Variants in RAPGEF4 observed in about 807,000 individuals in gnomAD.
RAPGEF4 encodes RAP guanine-nucleotide-exchange factor (GEF) 4.
In RAPGEF4, 66 loss-of-function variants were observed where a neutral mutation model predicts 147.9. The ratio of observed to expected loss-of-function variants is 0.45; its 90% CI spans 0.37 to 0.55. RAPGEF4 has a LOEUF of 0.55. Among genes scored for constraint, RAPGEF4 ranks in the 20% least tolerant of loss-of-function variants. RAPGEF4 has a pLI of 0.00. For missense variants in RAPGEF4, 1,071 were observed against 1,257.3 expected (o/e 0.85, Z 2.24); for synonymous variants, 419 against 442.7 (o/e 0.95, Z 0.67).
intron 27 of RAPGEF4, among the ~76,000 whole-genome samples, chr2:173,035,092 T>C (rs573562950): frequency 6.6e-6 from 1 of 151,828 alleles, no homozygotes; most frequent in South Asian, 2.1e-4. Flanking sequence ...TCTCACTCTG[T>C]CACCAAGGCT....
At chr2:172,775,355 A>G (rs1684060740) in intron 1 of RAPGEF4, among the ~76,000 whole-genome samples, 1 of 152,240 alleles carries the variant, frequency 6.6e-6, no homozygotes, top group Non-Finnish European at 1.5e-5. Flanking sequence ...TTAAATCAGT[A>G]TTCTATACAC....
chr2:172,807,880 T>G (rs1687658084), intron 3 of RAPGEF4, among the ~76,000 whole-genome samples: 1 of 152,246 alleles, frequency 6.6e-6, no homozygotes, highest in Admixed American at 6.5e-5. Context: ...GACAATGAAC[T>G]CTTCTTGAGC....
intron 6 of RAPGEF4, among the ~76,000 whole-genome samples, chr2:172,955,732 C>T (rs1205274820): frequency 2.6e-5 from 4 of 152,176 alleles, no homozygotes; most frequent in African/African-American, 7.2e-5. Context: ...CAAATGCAGC[C>T]CCTACTCTGT....
chr2:172,758,950 G>A lies in RAPGEF4; in HGVS notation c.65+22902G>A, dbSNP rs562829436. Among the ~76,000 whole-genome samples, 25 of 152,288 alleles carry A rather than the reference G, an allele frequency of 1.6e-4. 1 individual carries two copies. In the South Asian group the frequency reaches 2.9e-3, roughly 18 times the overall value. Reference sequence around the variant, plus strand: ...CAAAAAAGTGAGCATTGAAAGAGAGGAGTTCAGAAGGAAAGAGAGTAACTA... The same window carrying A: ...CAAAAAAGTGAGCATTGAAAGAGAGAAGTTCAGAAGGAAAGAGAGTAACTA... On this transcript the variant is annotated intron_variant, in intron 1 of 30. Transcript: ENST00000397081.
rs1239189123 is a variant in RAPGEF4, at chr2:172,917,711, C to A, written c.445-91C>A. ...AATACAAGGCTCAGATGCTTCCTGA[C>A]ACCCAGCATTTCTGCTTTTTAACAT... On this transcript the variant is annotated intron_variant, in intron 4 of 30. Transcript: ENST00000397081. The A allele has an allele frequency of 1.0e-4, 113 of 1,107,418 alleles. 1 individual carries two copies. The South Asian group carries it at 1.4e-3, about 13-fold the overall frequency. The allele number at this position is 1,107,418 out of a possible 1,614,324, so 68.6% of individuals were successfully genotyped here.
intron 30 of RAPGEF4, 60 bp from the exon 31 acceptor site, chr2:173,051,580 G>C (rs1261528198): frequency 6.6e-7 from 1 of 1,520,412 alleles, no homozygotes; most frequent in Non-Finnish European, 9.0e-7. Flanking sequence ...GGAGAAGTAA[G>C]ATTGTATCTT....
intron 1 of RAPGEF4, among the ~76,000 whole-genome samples, chr2:172,784,091 C>T (rs914008354): frequency 6.6e-6 from 1 of 152,136 alleles, no homozygotes; most frequent in African/African-American, 2.4e-5. Flanking sequence ...CACCTTGATA[C>T]TTGCTGTAGA....
In RAPGEF4 at chr2:172,908,086, C is replaced by A. The variant is rs192729874; in HGVS notation, c.445-9716C>A. Among the ~76,000 whole-genome samples, 792 of 152,288 alleles carry A rather than the reference C, an allele frequency of 5.2e-3. 2 individuals carry two copies. The highest frequency in any genetic ancestry group is 7.9e-3 in the Non-Finnish European group (537 of 68,020). On this transcript the variant is annotated intron_variant, in intron 4 of 30. Coordinates refer to ENST00000397081, the MANE Select transcript of RAPGEF4 (RefSeq NM_007023.4). ...CATCAGAGGTTCTTGGCTTTTTCCA[C>A]TGAAGCTCCCAAATGCAGAGGAAAT...
chr2:172,852,845 C>A (rs1693011314), intron 4 of RAPGEF4, among the ~76,000 whole-genome samples: 1 of 151,898 alleles, frequency 6.6e-6, no homozygotes, highest in Non-Finnish European at 1.5e-5. Flanking sequence ...TAAATGTTGT[C>A]AAATGCTGTT....
chr2:173,023,649 AG>A (rs1000763364), intron 23 of RAPGEF4, among the ~76,000 whole-genome samples: 1 of 152,220 alleles, frequency 6.6e-6, no homozygotes, highest in African/African-American at 2.4e-5. Flanking sequence ...TACTCTCAAA[AG>A]GGTTGCAGGA....
At chr2:173,039,455 T>A in intron 29 of RAPGEF4, among the ~76,000 whole-genome samples, 1 of 149,762 alleles carries the variant, frequency 6.7e-6, no homozygotes, top group African/African-American at 2.5e-5. Context: ...ACAGCGAGAC[T>A]CTGTCTCAAA....
chr2:172,920,977 T>C (rs552126538), intron 5 of RAPGEF4, among the ~76,000 whole-genome samples: 1 of 152,252 alleles, frequency 6.6e-6, no homozygotes, highest in South Asian at 2.1e-4. Flanking sequence ...CGTTTTTATG[T>C]CTTGTGTGGT....
chr2:172,764,016 C>A (rs371686568), intron 1 of RAPGEF4, among the ~76,000 whole-genome samples: 2 of 151,750 alleles, frequency 1.3e-5, no homozygotes, highest in African/African-American at 4.8e-5. Context: ...TGTGGGAGAC[C>A]GAGATGGGAG....
At chr2:172,958,059 A>G (rs1485679806) in intron 6 of RAPGEF4, among the ~76,000 whole-genome samples, 2 of 152,248 alleles carry the variant, frequency 1.3e-5, no homozygotes, top group Non-Finnish European at 2.9e-5. Flanking sequence ...CTACCAAAGA[A>G]TAAACACTTA....
intron 29 of RAPGEF4, among the ~76,000 whole-genome samples, chr2:173,037,763 C>T: frequency 6.6e-6 from 1 of 152,102 alleles, no homozygotes; most frequent in East Asian, 1.9e-4. Context: ...TACACAGTTT[C>T]ATCACTTTAT....
intron 21 of RAPGEF4, 118 bp downstream of exon 21, chr2:173,017,622 A>T (rs2305461): frequency 3.0e-6 from 3 of 991,550 alleles, no homozygotes; most frequent in Non-Finnish European, 3.0e-6. Context: ...TGCCCTCCAG[A>T]TGGTTTGCTT....
At chr2:173,017,129 T>C (rs1323001508) in intron 19 of RAPGEF4, 45 bp from the exon 20 acceptor site, 3 of 1,573,828 alleles carry the variant, frequency 1.9e-6, no homozygotes, top group Non-Finnish European at 2.6e-6. Context: ...GGCAATTTAA[T>C]AGTAGCAATG....
intron 1 of RAPGEF4, among the ~76,000 whole-genome samples, chr2:172,761,782 G>A (rs1696370098): frequency 6.6e-6 from 1 of 152,154 alleles, no homozygotes; most frequent in African/African-American, 2.4e-5. Flanking sequence ...GCTAGAATGG[G>A]TAACTCTCAA....
At chr2:172,985,523 G>T (rs775277567) in intron 12 of RAPGEF4, 30 bp downstream of exon 12, 1 of 1,606,552 alleles carries the variant, frequency 6.2e-7, no homozygotes, top group Admixed American at 1.7e-5. Flanking sequence ...GGAACCTTGC[G>T]CCTGGCCAGC....
Sources: allele counts gnomAD v4.1 joint callset (sites outside exome capture counted in the v4.1 genomes callset), GRCh38; gene constraint gnomAD v4.1.1; transcripts MANE v1.5; gene names NCBI Gene and HGNC (gene_info 2026-07-23, HGNC 2026-07-21).